The following SLC2A9 variants were observed in gnomAD, a reference collection of about 807,000 sequenced individuals.
SLC2A9 encodes the protein solute carrier family 2 member 9.
In SLC2A9, 39 loss-of-function variants were observed where a neutral mutation model predicts 50.6. The observed-to-expected ratio is 0.77, with a 90% confidence interval of 0.60 to 1.01. The LOEUF (loss-of-function observed/expected upper bound fraction) is 1.01. SLC2A9 is among the 50% of genes least tolerant of loss of function. The probability of loss-of-function intolerance (pLI) is 0.00; values close to 1 mark genes in which losing one functional copy is unlikely to be tolerated. For synonymous variants in SLC2A9, 324 were observed against 276.9 expected (o/e 1.17, Z -1.69); for missense variants, 686 against 677.6 (o/e 1.01, Z -0.14).
chr4:9,920,887 G>A (rs1262902770), intron 6 of SLC2A9, among the ~76,000 whole-genome samples: 1 of 152,238 alleles, frequency 6.6e-6, no homozygotes, highest in Admixed American at 6.5e-5. Context: ...ACATTGGGCA[G>A]TTGTGTCCCT....
At chr4:9,814,398 G>A (rs1244194131) in intron 3 of SLC2A9, among the ~76,000 whole-genome samples, 1 of 152,248 alleles carries the variant, frequency 6.6e-6, no homozygotes, top group Non-Finnish European at 1.5e-5. Flanking sequence ...TTCTGGTCTT[G>A]TTTGGGGATC....
At chr4:9,866,296 C>T (rs1732456911) in intron 10 of SLC2A9, among the ~76,000 whole-genome samples, 1 of 151,884 alleles carries the variant, frequency 6.6e-6, no homozygotes, top group African/African-American at 2.4e-5. Context: ...CTGTTGAGAA[C>T]ACTCTGGGCA....
chr4:9,995,690 T>G (rs777161649), intron 3 of SLC2A9: 1 of 152,252 alleles, frequency 6.6e-6, no homozygotes, highest in Non-Finnish European at 1.5e-5. Context: ...ACAAGAATTT[T>G]TATTTATTCA....
intron 1 of SLC2A9, among the ~76,000 whole-genome samples, chr4:10,027,616 A>T (rs1763798098): frequency 6.6e-6 from 1 of 152,050 alleles, no homozygotes; most frequent in African/African-American, 2.4e-5. Flanking sequence ...AGCTTCTGTC[A>T]CAGTGGTGGC....
At chr4:10,031,253 T>C (rs1763933814) in intron 1 of SLC2A9, among the ~76,000 whole-genome samples, 1 of 152,246 alleles carries the variant, frequency 6.6e-6, no homozygotes, top group Non-Finnish European at 1.5e-5. Context: ...TTCACTCATA[T>C]AAGAGAGGTC....
At chr4:9,920,673 C>G in intron 6 of SLC2A9, 101 bp from the exon 7 acceptor site, 1 of 1,406,756 alleles carries the variant, frequency 7.1e-7, no homozygotes, top group Non-Finnish European at 1.0e-6. Context: ...TAGCCACACA[C>G]CTTAGCTGGG....
downstream of SLC2A9, among the ~76,000 whole-genome samples, chr4:9,825,891 T>C (rs576115849): frequency 2.0e-4 from 31 of 152,318 alleles, no homozygotes; most frequent in Admixed American, 1.3e-3. Flanking sequence ...TCTGAAAGCC[T>C]ATATCAGGGA....
intron 10 of SLC2A9, chr4:9,880,407 G>C: frequency 1.0e-6 from 1 of 985,466 alleles, no homozygotes; most frequent in Non-Finnish European, 1.2e-6. Flanking sequence ...TCCCTCCAGG[G>C]AGTCCCATAG....
rs375570604 is a variant in SLC2A9, at chr4:9,826,470, C to T, written c.1550G>A (p.Arg517Lys). 3.1e-6 allele frequency: 5 copies of T among 1,613,898 alleles called. No homozygotes were observed. In the African/African-American group the frequency reaches 4.0e-5, roughly 13 times the overall value. Residue 517 changes from arginine (R) to lysine (K), a missense_variant, in exon 12 of 12, where the codon AGG (arginine) becomes AAG (lysine). Transcript: ENST00000264784. ...YAEISQAFSKRNKAYPPEEKI... is the reference protein window; with the variant it reads ...YAEISQAFSKKNKAYPPEEKI... ...CTCTTCTGGTGGGTATGCTTTGTTC[C>T]TTTTGGAAAATGCCTGGCTGATTTC...
intron 3 of SLC2A9, among the ~76,000 whole-genome samples, chr4:9,809,680 T>C (rs548493960): frequency 5.9e-5 from 9 of 152,318 alleles, no homozygotes; most frequent in Admixed American, 5.2e-4. Flanking sequence ...ACTGGTTAAA[T>C]AGTGAGACCA....
chr4:9,826,016 T>C (rs1725073437), downstream of SLC2A9, among the ~76,000 whole-genome samples: 1 of 152,210 alleles, frequency 6.6e-6, no homozygotes, highest in Non-Finnish European at 1.5e-5. Context: ...TTGAGTCCCC[T>C]ATCAGACCAA....
upstream of SLC2A9, among the ~76,000 whole-genome samples, chr4:10,022,107 G>A (rs994326303): frequency 6.6e-6 from 1 of 152,174 alleles, no homozygotes; most frequent in African/African-American, 2.4e-5. Context: ...CCAAAGTGCT[G>A]GAATTAGAGG....
At chr4:10,025,034 C>T (rs1763705870), upstream of SLC2A9, among the ~76,000 whole-genome samples, 1 of 152,202 alleles carries the variant, frequency 6.6e-6, no homozygotes, top group South Asian at 2.1e-4. Flanking sequence ...GGTGACTGCA[C>T]CCTTATCCTC....
chr4:9,807,280 C>T (rs761696732), intron 3 of SLC2A9, among the ~76,000 whole-genome samples: 22 of 152,198 alleles, frequency 1.4e-4, no homozygotes, highest in Non-Finnish European at 2.8e-4. Context: ...TGTCACATCT[C>T]CCATGCCCCT....
intron 3 of SLC2A9, among the ~76,000 whole-genome samples, chr4:9,816,633 A>G (rs970458721): frequency 6.6e-6 from 1 of 152,210 alleles, no homozygotes; most frequent in African/African-American, 2.4e-5. Flanking sequence ...ACTAATATCA[A>G]AACATTGAGT....
At chr4:9,791,614 T>C (rs1413229711) in intron 3 of SLC2A9, among the ~76,000 whole-genome samples, 2 of 152,156 alleles carry the variant, frequency 1.3e-5, no homozygotes, top group African/African-American at 4.8e-5. Context: ...AAGCCAGCAG[T>C]CACGTTGTGG....
At chr4:10,029,508 C>T (rs554147542) in intron 1 of SLC2A9, among the ~76,000 whole-genome samples, 21 of 151,792 alleles carry the variant, frequency 1.4e-4, no homozygotes, top group South Asian at 6.3e-4. Flanking sequence ...GTATAAAATC[C>T]CAAAGCCAGG....
At position 9,985,769 on chromosome 4, in the gene SLC2A9, A is replaced by C. The variant is rs758342458; in HGVS notation, c.435T>G (p.Asn145Lys). 1.9e-6 allele frequency: 3 copies of C among 1,613,894 alleles called. No individual in the cohort carries two copies. The highest frequency in any genetic ancestry group is 2.5e-6 in the Non-Finnish European group (3 of 1,179,870). ...GCAATGCAGCAGAAATTGCAAACCC[A>C]TTATTGGCCAGCAAAGTGTGCTTCC... is the stretch of plus-strand genomic sequence containing the variant. ...LGRKHTLLAN[N>K]GFAISAALLM... Residue 145 changes from asparagine to lysine, a missense_variant, in exon 4 of 12, where the codon AAT becomes AAG. Asn to Lys is a moderately conservative substitution (Grantham distance 94). Transcript: ENST00000264784.
At chr4:9,925,930 T>A (rs1366512006) in intron 6 of SLC2A9, among the ~76,000 whole-genome samples, 3 of 152,174 alleles carry the variant, frequency 2.0e-5, no homozygotes, top group African/African-American at 7.2e-5. Context: ...AGGCTCCCCA[T>A]GGTCCTCAGA....
Sources: gnomAD v4.1 joint callset for allele counts (sites outside exome capture counted in the v4.1 genomes callset) on GRCh38, gnomAD v4.1.1 for gene constraint, MANE v1.5 for transcripts, NCBI Gene and HGNC (gene_info 2026-07-23, HGNC 2026-07-21) for gene names.